The following AFF3 variants were observed in gnomAD, a reference collection of about 807,000 sequenced individuals.
AFF3 encodes AF4/FMR2 family member 3.
Under a neutral mutation model 129.7 loss-of-function variants are expected in AFF3, and 32 were observed. That is an observed-to-expected ratio of 0.25 (90% CI 0.19 to 0.33). The LOEUF is 0.33. AFF3 is among the 10% of genes least tolerant of loss of function. The pLI is 1.00. For missense variants in AFF3, 1,373 were observed against 1,592.0 expected (o/e 0.86, Z 2.34); for synonymous variants, 644 against 635.4 (o/e 1.01, Z -0.20).
At chr2:99,868,726 TTC>T (rs1383566239) in intron 7 of AFF3, among the ~76,000 whole-genome samples, 1 of 152,180 alleles carries the variant, frequency 6.6e-6, no homozygotes. Context: ...GGTCACTGTG[TTC>T]TCTTTTGTAT....
chr2:100,007,633 T>TG (rs1682091933), intron 5 of AFF3, 173 bp from the exon 6 acceptor site: 1 of 654,106 alleles, frequency 1.5e-6, no homozygotes, highest in Non-Finnish European at 2.6e-6. Flanking sequence ...CACTTGGTGA[T>TG]GCACCAGAAC....
At chr2:100,003,101 T>G (rs1263469713) in intron 7 of AFF3, among the ~76,000 whole-genome samples, 7 of 30,860 alleles carry the variant, frequency 2.3e-4, no homozygotes, top group Admixed American at 5.5e-4. Context: ...CTCTGGGGAG[T>G]TGGGGGTCGG....
chr2:100,078,540 C>A (rs1182711006), intron 4 of AFF3, among the ~76,000 whole-genome samples: 1 of 152,100 alleles, frequency 6.6e-6, no homozygotes, highest in Admixed American at 6.5e-5. Context: ...CTGCTCCTGG[C>A]CAAGAGCATC....
At chr2:99,821,395 G>A (rs1687668518) in intron 8 of AFF3, among the ~76,000 whole-genome samples, 1 of 151,718 alleles carries the variant, frequency 6.6e-6, no homozygotes, top group Admixed American at 6.6e-5. Context: ...GGCTTCCCTG[G>A]GTATACTGGA....
intron 11 of AFF3, among the ~76,000 whole-genome samples, chr2:99,683,745 T>C (rs926801842): frequency 6.6e-6 from 1 of 152,164 alleles, no homozygotes; most frequent in Non-Finnish European, 1.5e-5. Flanking sequence ...ACAGAGAAGA[T>C]AAACTTCTTA....
intron 10 of AFF3, among the ~76,000 whole-genome samples, chr2:99,736,159 T>C (rs904275291): frequency 3.3e-5 from 5 of 152,226 alleles, no homozygotes; most frequent in African/African-American, 1.2e-4. Flanking sequence ...TTAAATCTTA[T>C]GTATCCTTAC....
At chr2:99,944,836 A>C (rs935021576) in intron 7 of AFF3, among the ~76,000 whole-genome samples, 2 of 152,224 alleles carry the variant, frequency 1.3e-5, no homozygotes, top group African/African-American at 4.8e-5. Context: ...AAACATAATA[A>C]ACAAAATCTA....
intron 8 of AFF3, among the ~76,000 whole-genome samples, chr2:99,761,693 A>C (rs922284021): frequency 6.6e-6 from 1 of 152,244 alleles, no homozygotes; most frequent in African/African-American, 2.4e-5. Flanking sequence ...AGGTTCAACT[A>C]GAAAAAATTT....
In AFF3 at chr2:99,690,374, G is replaced by C. The variant is rs534276031; in HGVS notation, c.1092-17785C>G. ...TTTTTTGTATTTTTAGTAGAGATGG[G>C]GTTTCACCGTGTTAGCCAGGATGGT... is the stretch of plus-strand genomic sequence containing the variant. On this transcript the variant is annotated intron_variant, in intron 11 of 24. Transcript: ENST00000672756. Among the ~76,000 whole-genome samples, 825 of 151,460 alleles carry C rather than the reference G, an allele frequency of 5.4e-3. 5 individuals are homozygous for C. The highest frequency in any genetic ancestry group is 0.019 in the African/African-American group (770 of 41,326).
At chr2:99,781,747 A>AAATG (rs928686709) in intron 8 of AFF3, among the ~76,000 whole-genome samples, 11 of 152,248 alleles carry the variant, frequency 7.2e-5, no homozygotes, top group African/African-American at 2.2e-4. Flanking sequence ...CTCGATGAAT[A>AAATG]AATGAATGAA....
chr2:99,874,425 G>C (rs2105979277), intron 7 of AFF3, among the ~76,000 whole-genome samples: 1 of 152,256 alleles, frequency 6.6e-6, no homozygotes, highest in Admixed American at 6.5e-5. Context: ...GTTCTCTTTG[G>C]TTCAACGTGG....
At chr2:99,654,989 G>C (rs1385895259) in intron 12 of AFF3, among the ~76,000 whole-genome samples, 1 of 152,110 alleles carries the variant, frequency 6.6e-6, no homozygotes, top group African/African-American at 2.4e-5. Context: ...CATGGATCCT[G>C]GAGTGGGGAG....
chr2:99,786,947 A>G (rs1228933425), intron 8 of AFF3, among the ~76,000 whole-genome samples: 2 of 152,176 alleles, frequency 1.3e-5, no homozygotes, highest in Non-Finnish European at 2.9e-5. Flanking sequence ...ATCTATATAT[A>G]CAACAATATT....
At chr2:99,991,996 A>G (rs1037683759) in intron 7 of AFF3, among the ~76,000 whole-genome samples, 17 of 152,086 alleles carry the variant, frequency 1.1e-4, no homozygotes, top group African/African-American at 4.1e-4. Context: ...TACAAGAAGC[A>G]TAGCCAATTT....
chr2:99,914,596 A>G (rs1266110262), intron 7 of AFF3, among the ~76,000 whole-genome samples: 3 of 152,104 alleles, frequency 2.0e-5, no homozygotes, highest in Non-Finnish European at 1.5e-5. Context: ...GCTTTCTGGG[A>G]AATACACACT....
chr2:100,104,655 C>A, intron 3 of AFF3, 137 bp from the exon 4 acceptor site: 1 of 899,062 alleles, frequency 1.1e-6, no homozygotes, highest in Non-Finnish European at 1.3e-6. Flanking sequence ...GCTGCAGCGG[C>A]CGGCGCACTC....
chr2:99,828,136 A>ATTAGAAT (rs1207879869), intron 8 of AFF3, among the ~76,000 whole-genome samples: 1 of 152,156 alleles, frequency 6.6e-6, no homozygotes, highest in Non-Finnish European at 1.5e-5. Flanking sequence ...GACATGCGGT[A>ATTAGAAT]TCTCTGTGGT....
intron 2 of AFF3, among the ~76,000 whole-genome samples, chr2:100,117,133 T>C (rs1224905604): frequency 1.3e-5 from 2 of 152,150 alleles, no homozygotes; most frequent in Non-Finnish European, 2.9e-5. Flanking sequence ...ATTCATCTTA[T>C]TTGGAATTCA....
intron 7 of AFF3, among the ~76,000 whole-genome samples, chr2:99,934,331 G>A (rs1259311207): frequency 6.6e-6 from 1 of 152,170 alleles, no homozygotes; most frequent in African/African-American, 2.4e-5. Context: ...TGTGGAAGGT[G>A]AATGAACATG....
Sources: allele counts gnomAD v4.1 joint callset (sites outside exome capture counted in the v4.1 genomes callset), GRCh38; gene constraint gnomAD v4.1.1; transcripts MANE v1.5; gene names NCBI Gene and HGNC (gene_info 2026-07-23, HGNC 2026-07-21).